The following STK32C variants were observed in gnomAD, a reference collection of about 807,000 sequenced individuals.
STK32C encodes the protein serine/threonine kinase 32C, also known as serine/threonine-protein kinase 32C.
STK32C carries 31 observed loss-of-function variants against 56.5 expected under a neutral mutation model. The ratio of observed to expected loss-of-function variants is 0.55; its 90% CI spans 0.41 to 0.74. The LOEUF (loss-of-function observed/expected upper bound fraction) is 0.74, where lower values mean the gene tolerates loss of function less well. Among genes scored for constraint, STK32C ranks in the 30% least tolerant of loss-of-function variants. The probability of loss-of-function intolerance (pLI) is 0.00; values close to 1 mark genes in which losing one functional copy is unlikely to be tolerated. For missense variants in STK32C, 544 were observed against 676.9 expected, an observed-to-expected ratio of 0.80 and a Z score of 2.18; for synonymous variants, 309 against 289.4, an observed-to-expected ratio of 1.07 and a Z score of -0.69.
chr10:132,240,634 G>A (rs996286819), intron 2 of STK32C, among the ~76,000 whole-genome samples: 2 of 152,130 alleles, frequency 1.3e-5, no homozygotes, highest in Non-Finnish European at 2.9e-5. Flanking sequence ...AAGGCCTTTT[G>A]ACCTGTTTTC....
rs2066580130 is a variant in STK32C, at chr10:132,329,235, T to TA, written c.301+2200dup. On this transcript the variant is annotated intron_variant, in intron 1 of 1. Transcript: ENST00000368619. Reference sequence around the variant, plus strand: ...TTCGAGACCAGCCTGGGCAACATGGTAAAACCCGTCTCTACAAAAAATACA... The same window carrying TA: ...TTCGAGACCAGCCTGGGCAACATGGTAAAAACCCGTCTCTACAAAAAATACA... Among the ~76,000 whole-genome samples, 3 of 152,226 alleles carry TA rather than the reference T, an allele frequency of 2.0e-5. No homozygotes were observed. The South Asian group carries it at 6.2e-4, about 32-fold the overall frequency.
At chr10:132,285,807 C>T (rs1055684282) in intron 1 of STK32C, among the ~76,000 whole-genome samples, 3 of 152,162 alleles carry the variant, frequency 2.0e-5, no homozygotes, top group African/African-American at 4.8e-5. Flanking sequence ...AATAAAAGGG[C>T]GGAATCACTA....
intron 2 of STK32C, among the ~76,000 whole-genome samples, chr10:132,235,195 CAG>C (rs2063236330): frequency 1.3e-5 from 2 of 152,152 alleles, no homozygotes; most frequent in Middle Eastern, 3.2e-3. Flanking sequence ...GCAGATTAAA[CAG>C]ATATGTTAAA....
intron 1 of STK32C, among the ~76,000 whole-genome samples, chr10:132,319,028 A>G (rs1383575293): frequency 6.6e-6 from 1 of 152,174 alleles, no homozygotes; most frequent in Non-Finnish European, 1.5e-5. Flanking sequence ...GGCTCACTGC[A>G]ACCTCCACGT....
At chr10:132,260,527 T>C (rs1312497969) in intron 1 of STK32C, among the ~76,000 whole-genome samples, 1 of 152,164 alleles carries the variant, frequency 6.6e-6, no homozygotes, top group Non-Finnish European at 1.5e-5. Context: ...CTGGGCACCG[T>C]TGTCGGGTCC....
At chr10:132,208,705 C>T (rs1054214841) in intron 11 of STK32C, among the ~76,000 whole-genome samples, 1 of 152,166 alleles carries the variant, frequency 6.6e-6, no homozygotes, top group Admixed American at 6.5e-5. Context: ...CAGGAAAGGT[C>T]TGCTGAGAGA....
At chr10:132,263,367 T>C (rs962914179) in intron 1 of STK32C, among the ~76,000 whole-genome samples, 1 of 151,194 alleles carries the variant, frequency 6.6e-6, no homozygotes, top group South Asian at 2.1e-4. Context: ...CATGTCCTCA[T>C]GTGTAGGTGG....
At chr10:132,228,435 T>C (rs900419014) in intron 2 of STK32C, among the ~76,000 whole-genome samples, 2 of 152,190 alleles carry the variant, frequency 1.3e-5, no homozygotes, top group African/African-American at 2.4e-5. Flanking sequence ...CCTGGCTCCA[T>C]GGCTGTTAGT....
intron 4 of STK32C, 32 bp from the exon 5 acceptor site, chr10:132,225,816 G>A (rs902424973): frequency 1.2e-6 from 2 of 1,613,040 alleles, no homozygotes; most frequent in African/African-American, 2.7e-5. Flanking sequence ...AAGGTGAGTT[G>A]GGAATCTGCC....
chr10:132,225,444 G>A (rs1269802534), intron 6 of STK32C, 83 bp downstream of exon 6: 1 of 1,596,066 alleles, frequency 6.3e-7, no homozygotes, highest in Non-Finnish European at 8.6e-7. Flanking sequence ...CTGCCTCCAG[G>A]GTGGGACAGA....
intron 1 of STK32C, among the ~76,000 whole-genome samples, chr10:132,328,018 T>C (rs927873826): frequency 1.3e-5 from 2 of 152,136 alleles, no homozygotes; most frequent in African/African-American, 4.8e-5. Context: ...AATAAGTCTC[T>C]TGCCTCTGTA....
In STK32C at chr10:132,314,958, A is replaced by C. The variant is rs141136364; in HGVS notation, c.301+16478T>G. Among the ~76,000 whole-genome samples, 252 of 152,242 alleles carry C rather than the reference A, an allele frequency of 1.7e-3. 5 individuals carry two copies. The East Asian group carries it at 0.043, about 26-fold the overall frequency. ...AAGACCAGCCTGACCAACACGGAGAAACCCCATCTCTACTAAAAATCCAAA... is the reference window on the plus strand; with the variant it reads ...AAGACCAGCCTGACCAACACGGAGACACCCCATCTCTACTAAAAATCCAAA... On this transcript the variant is annotated intron_variant, in intron 1 of 3. Transcript: ENST00000368620.
At chr10:132,223,945 G>A (rs567920867) in intron 8 of STK32C, among the ~76,000 whole-genome samples, 3 of 152,352 alleles carry the variant, frequency 2.0e-5, no homozygotes, top group Admixed American at 6.5e-5. Context: ...CCAGGCTGAT[G>A]TCCCCTGAGA....
At chr10:132,237,292 G>GT (rs1218038123) in intron 2 of STK32C, among the ~76,000 whole-genome samples, 1 of 152,226 alleles carries the variant, frequency 6.6e-6, no homozygotes, top group Non-Finnish European at 1.5e-5. Flanking sequence ...CCAGAGGCCA[G>GT]TAGGGCCACC....
At chr10:132,271,110 A>C (rs1290165479) in intron 1 of STK32C, among the ~76,000 whole-genome samples, 1 of 152,138 alleles carries the variant, frequency 6.6e-6, no homozygotes, top group Non-Finnish European at 1.5e-5. Context: ...GGGCTCCATT[A>C]TCAGATAGAA....
upstream of STK32C, among the ~76,000 whole-genome samples, chr10:132,308,898 C>A (rs768173053): frequency 9.9e-5 from 15 of 152,216 alleles, no homozygotes; most frequent in Non-Finnish European, 2.2e-4. Flanking sequence ...CTGCATGGAG[C>A]CTCGCCGCCT....
At chr10:132,208,385 G>A (rs1047680918) in intron 11 of STK32C, among the ~76,000 whole-genome samples, 12 of 152,328 alleles carry the variant, frequency 7.9e-5, no homozygotes, top group East Asian at 5.8e-4. Flanking sequence ...GCCAGAAGCC[G>A]AAAGGCCTGA....
rs2064742114 is a variant in STK32C, at chr10:132,269,418, T to TC, written c.263-23464dup. 2.6e-5 allele frequency among the ~76,000 whole-genome samples: 4 copies of TC among 152,296 alleles called. No homozygotes were observed. In the South Asian group the frequency reaches 8.3e-4, roughly 32 times the overall value. On this transcript the variant is annotated intron_variant, in intron 1 of 11. Coordinates refer to ENST00000298630, the MANE Select transcript of STK32C (RefSeq NM_173575.4). ...CCTGGATTCCACTGGCCGCACCGGA[T>TC]CTTCCCCTGAGCTCAGGGCTGCCTC...
chr10:132,282,739 T>C (rs975273426), intron 1 of STK32C, among the ~76,000 whole-genome samples: 2 of 152,276 alleles, frequency 1.3e-5, no homozygotes, highest in African/African-American at 4.8e-5. Context: ...CTGAGTAGGC[T>C]GGGGCCACCA....
Sources: allele counts gnomAD v4.1 joint callset (sites outside exome capture counted in the v4.1 genomes callset), GRCh38; gene constraint gnomAD v4.1.1; transcripts MANE v1.5; gene names NCBI Gene and HGNC (gene_info 2026-07-23, HGNC 2026-07-21).